The following C8orf34 variants were observed in gnomAD, a reference collection of about 807,000 sequenced individuals.
C8orf34 encodes chromosome 8 open reading frame 34, also known as uncharacterized protein C8orf34.
C8orf34 carries 65 observed loss-of-function variants against 68.3 expected under a neutral mutation model. That is an observed-to-expected ratio of 0.95 (90% CI 0.78 to 1.17). The LOEUF (loss-of-function observed/expected upper bound fraction) is 1.17, where lower values mean the gene tolerates loss of function less well. Among genes scored for constraint, C8orf34 ranks in the 50% most tolerant of loss-of-function variants. The probability of loss-of-function intolerance (pLI) is 0.00; values close to 1 mark genes in which losing one functional copy is unlikely to be tolerated. For synonymous variants in C8orf34, 244 were observed against 241.2 expected (o/e 1.01, Z -0.11); for missense variants, 664 against 655.4 (o/e 1.01, Z -0.14).
chr8:68,775,458 T>G (rs1246265316), intron 10 of C8orf34, among the ~76,000 whole-genome samples: 5 of 151,072 alleles, frequency 3.3e-5, no homozygotes, highest in Non-Finnish European at 5.9e-5. Context: ...GAGTTTGGGA[T>G]ATATGTTTAA....
chr8:68,459,981 A>G (rs4737907), intron 3 of C8orf34, among the ~76,000 whole-genome samples: 96,193 of 152,042 alleles, frequency 0.63, 30,481 homozygotes, highest in East Asian at 0.69. Context: ...CCGAAGCAGG[A>G]CAAGGCATTG....
chr8:68,369,711 T>C (rs191417283), intron 1 of C8orf34, among the ~76,000 whole-genome samples: 1 of 151,714 alleles, frequency 6.6e-6, no homozygotes, highest in East Asian at 1.9e-4. Context: ...CCAGAAGCTG[T>C]GTCTCAGAAG....
chr8:68,774,894 G>C (rs1232427572), intron 10 of C8orf34, among the ~76,000 whole-genome samples: 2 of 142,930 alleles, frequency 1.4e-5, no homozygotes, highest in African/African-American at 2.7e-5. Flanking sequence ...ATTACCTGAA[G>C]TCAGGAGTTC....
intron 7 of C8orf34, among the ~76,000 whole-genome samples, chr8:68,604,272 G>A (rs1817788189): frequency 1.3e-5 from 2 of 151,612 alleles, no homozygotes; most frequent in African/African-American, 4.8e-5. Context: ...AGACATGAAT[G>A]GGCTGTCTAT....
intron 5 of C8orf34, among the ~76,000 whole-genome samples, chr8:68,520,098 T>C (rs965957135): frequency 1.3e-5 from 2 of 152,182 alleles, no homozygotes; most frequent in African/African-American, 4.8e-5. Flanking sequence ...AAATCCATTG[T>C]AGTGCTTTAA....
intron 9 of C8orf34, among the ~76,000 whole-genome samples, chr8:68,710,260 C>T (rs1821293876): frequency 6.6e-6 from 1 of 152,134 alleles, no homozygotes; most frequent in South Asian, 2.1e-4. Context: ...GGAAATGGAT[C>T]ACCGCTGCAG....
intron 10 of C8orf34, among the ~76,000 whole-genome samples, chr8:68,725,019 C>A (rs911717815): frequency 2.0e-5 from 3 of 151,838 alleles, no homozygotes; most frequent in African/African-American, 7.3e-5. Context: ...AGGTGTGCAC[C>A]AACACACCTG....
intron 10 of C8orf34, among the ~76,000 whole-genome samples, chr8:68,757,358 A>G (rs1045319450): frequency 2.0e-5 from 3 of 152,086 alleles, no homozygotes; most frequent in Non-Finnish European, 2.9e-5. Context: ...AGCCGGGCGC[A>G]GTGGCTCATG....
At chr8:68,490,568 T>G (rs2129631799) in intron 5 of C8orf34, among the ~76,000 whole-genome samples, 1 of 152,332 alleles carries the variant, frequency 6.6e-6, no homozygotes, top group Admixed American at 6.5e-5. Flanking sequence ...GATTTTCATT[T>G]ACTTACCTAA....
intron 1 of C8orf34, among the ~76,000 whole-genome samples, chr8:68,362,536 G>A (rs1807049007): frequency 6.6e-6 from 1 of 152,176 alleles, no homozygotes. Flanking sequence ...GGTTCTCCCA[G>A]CACGCGGCTG....
At chr8:68,449,339 T>G (rs1241864699) in intron 3 of C8orf34, among the ~76,000 whole-genome samples, 1 of 152,152 alleles carries the variant, frequency 6.6e-6, no homozygotes, top group Non-Finnish European at 1.5e-5. Flanking sequence ...TGGCATTCAG[T>G]ACATTCACAA....
At chr8:68,389,541 A>G (rs969454796) in intron 1 of C8orf34, among the ~76,000 whole-genome samples, 2 of 152,310 alleles carry the variant, frequency 1.3e-5, no homozygotes, top group Middle Eastern at 3.4e-3. Context: ...ACACCTAAGT[A>G]TACTTGTTAT....
chr8:68,394,366 A>G (rs1317589855), intron 1 of C8orf34, among the ~76,000 whole-genome samples: 1 of 151,068 alleles, frequency 6.6e-6, no homozygotes, highest in Non-Finnish European at 1.5e-5. Context: ...GCGATAGTTT[A>G]CTGAGAATGA....
At chr8:68,551,043 TC>T (rs1321238922) in intron 7 of C8orf34, among the ~76,000 whole-genome samples, 9 of 151,920 alleles carry the variant, frequency 5.9e-5, no homozygotes, top group African/African-American at 1.7e-4. Context: ...ATCTGTGGCT[TC>T]GTGTCTGACA....
At chr8:68,802,698 A>T (rs1035439116) in intron 12 of C8orf34, among the ~76,000 whole-genome samples, 5 of 151,834 alleles carry the variant, frequency 3.3e-5, no homozygotes, top group Non-Finnish European at 7.4e-5. Flanking sequence ...AGGTTTCCCC[A>T]TGTTGCCCAG....
upstream of C8orf34, chr8:68,330,691 C>G (rs1226463205): frequency 3.4e-6 from 1 of 293,964 alleles, no homozygotes; most frequent in Non-Finnish European, 6.2e-6. Context: ...TTAAGCGGCG[C>G]TGTCGCTAGG....
chr8:68,596,083 T>G (rs1817539274), intron 7 of C8orf34, among the ~76,000 whole-genome samples: 1 of 152,186 alleles, frequency 6.6e-6, no homozygotes, highest in Non-Finnish European at 1.5e-5. Context: ...GTGCGTTTCT[T>G]TTTATTGTAC....
rs1160845483 is a variant in C8orf34, at chr8:68,567,577, C to CTTTTTTTTTTTTTTTTTTTTTTTTTT, written c.1105+34438_1105+34463dup. Among the ~76,000 whole-genome samples the CTTTTTTTTTTTTTTTTTTTTTTTTTT allele has an allele frequency of 1.7e-4, 5 of 29,792 alleles. 2 individuals are homozygous for CTTTTTTTTTTTTTTTTTTTTTTTTTT. Among genetic ancestry groups the CTTTTTTTTTTTTTTTTTTTTTTTTTT allele is most frequent in the African/African-American group, 2.3e-4 (2 of 8,540 alleles). 19.5% of individuals were successfully genotyped at this position (29,792 alleles called of 152,430 possible). On this transcript the variant is annotated intron_variant, in intron 7 of 13. Coordinates refer to ENST00000518698, the MANE Select transcript of C8orf34 (RefSeq NM_052958.4). ...TCTTTTCAAATTTTGTTTCATTTAT[C>CTTTTTTTTTTTTTTTTTTTTTTTTTT]TTTTTTTTTTTTTTTTTTTTTTTTT...
intron 5 of C8orf34, among the ~76,000 whole-genome samples, chr8:68,507,708 G>C (rs527804778): frequency 6.6e-6 from 1 of 152,154 alleles, no homozygotes; most frequent in East Asian, 1.9e-4. Context: ...GTAGAAAACT[G>C]GGGGCCCAGA....
Sources: gnomAD v4.1 joint callset for allele counts (sites outside exome capture counted in the v4.1 genomes callset) on GRCh38, gnomAD v4.1.1 for gene constraint, MANE v1.5 for transcripts, NCBI Gene and HGNC (gene_info 2026-07-23, HGNC 2026-07-21) for gene names.